The following EYS variants were observed in gnomAD, a reference collection of about 807,000 sequenced individuals.
The protein encoded by EYS is protein eyes shut homolog.
Under a neutral mutation model 282.1 loss-of-function variants are expected in EYS, and 250 were observed. The ratio of observed to expected loss-of-function variants is 0.89; its 90% CI spans 0.80 to 0.98. The LOEUF is 0.98. Among genes scored for constraint, EYS ranks in the 50% least tolerant of loss-of-function variants. The pLI is 0.00. For missense variants in EYS, 4,016 were observed against 3,709.0 expected, an observed-to-expected ratio of 1.08 and a Z score of -2.15; for synonymous variants, 1,355 against 1,282.9, an observed-to-expected ratio of 1.06 and a Z score of -1.20.
intron 28 of EYS, among the ~76,000 whole-genome samples, chr6:64,404,082 G>GA (rs1328076773): frequency 6.6e-6 from 1 of 151,992 alleles, no homozygotes; most frequent in Non-Finnish European, 1.5e-5. Context: ...AAATTGGGGA[G>GA]TAAATCCCTA....
intron 1 of EYS, among the ~76,000 whole-genome samples, chr6:65,704,085 A>G (rs1769781885): frequency 6.6e-6 from 1 of 151,728 alleles, no homozygotes; most frequent in Non-Finnish European, 1.5e-5. Context: ...GATATAAAAA[A>G]CTCCACTGGA....
At chr6:63,782,908 A>G (rs1770270210) in intron 39 of EYS, among the ~76,000 whole-genome samples, 2 of 147,960 alleles carry the variant, frequency 1.4e-5, no homozygotes, top group East Asian at 3.9e-4. Context: ...TTGACTGACT[A>G]GGTACCAAAT....
intron 35 of EYS, among the ~76,000 whole-genome samples, chr6:63,951,954 C>T (rs1033384130): frequency 3.3e-5 from 5 of 152,108 alleles, no homozygotes; most frequent in Non-Finnish European, 5.9e-5. Flanking sequence ...AATCTGCTCC[C>T]GACATTAAAT....
intron 1 of EYS, among the ~76,000 whole-genome samples, chr6:65,654,111 G>A (rs1767741560): frequency 6.6e-6 from 1 of 151,816 alleles, no homozygotes; most frequent in South Asian, 2.1e-4. Flanking sequence ...TTCAGAGTTA[G>A]TCATAAATTG....
In EYS at chr6:63,896,952, T is replaced by C. The variant is rs571736653; in HGVS notation, c.7056-32594A>G. Reference sequence around the variant, plus strand: ...TTTATTCACCTACTGAAGTATATTTTACTGCTTCCAAGTTTTGGAAATTAT... The same window carrying C: ...TTTATTCACCTACTGAAGTATATTTCACTGCTTCCAAGTTTTGGAAATTAT... On this transcript the variant is annotated intron_variant, in intron 35 of 42. Transcript: ENST00000503581. Among the ~76,000 whole-genome samples, 242 of 152,332 alleles carry C rather than the reference T, an allele frequency of 1.6e-3. 1 individual carries two copies. Among genetic ancestry groups the C allele is most frequent in the Non-Finnish European group, 3.1e-3 (210 of 68,014 alleles).
intron 29 of EYS, among the ~76,000 whole-genome samples, chr6:64,373,698 A>C (rs763455541): frequency 2.0e-5 from 3 of 152,166 alleles, no homozygotes; most frequent in Non-Finnish European, 2.9e-5. Flanking sequence ...CCTGGCTATC[A>C]GCAGGAGGGG....
chr6:64,598,948 C>T (rs1304015496), intron 24 of EYS, among the ~76,000 whole-genome samples: 2 of 152,050 alleles, frequency 1.3e-5, no homozygotes, highest in East Asian at 3.9e-4. Flanking sequence ...GAAAGAGTAT[C>T]AAAGGCGAAA....
intron 30 of EYS, among the ~76,000 whole-genome samples, chr6:64,243,972 A>G (rs1766922905): frequency 6.6e-6 from 1 of 152,174 alleles, no homozygotes; most frequent in Admixed American, 6.5e-5. Flanking sequence ...GTTCATCTGA[A>G]GAATAAATAT....
At chr6:65,208,314 G>T (rs2150250340) in intron 12 of EYS, among the ~76,000 whole-genome samples, 1 of 151,964 alleles carries the variant, frequency 6.6e-6, no homozygotes, top group East Asian at 1.9e-4. Context: ...TTTTGACAAG[G>T]ATGTGGAGAG....
At chr6:65,191,097 A>G (rs1274678105) in intron 12 of EYS, among the ~76,000 whole-genome samples, 1 of 151,840 alleles carries the variant, frequency 6.6e-6, no homozygotes, top group Non-Finnish European at 1.5e-5. Context: ...AAGCTTCTAC[A>G]ATCTTGTCTA....
At chr6:64,903,360 C>T (rs959952660) in intron 16 of EYS, among the ~76,000 whole-genome samples, 1 of 152,074 alleles carries the variant, frequency 6.6e-6, no homozygotes, top group South Asian at 2.1e-4. Flanking sequence ...TGCAATCAGG[C>T]TAATTTAGTT....
chr6:64,208,628 T>G (rs768123433), intron 31 of EYS, among the ~76,000 whole-genome samples: 1 of 152,158 alleles, frequency 6.6e-6, no homozygotes. Flanking sequence ...ATGTAAATAT[T>G]TTAGAAATCC....
chr6:65,549,384 T>C (rs533123943), intron 2 of EYS, among the ~76,000 whole-genome samples: 1 of 152,338 alleles, frequency 6.6e-6, no homozygotes. Context: ...TTTGTTATGC[T>C]CTATACCAGA....
chr6:64,433,861 A>T (rs1300927343), intron 28 of EYS, among the ~76,000 whole-genome samples: 1 of 151,966 alleles, frequency 6.6e-6, no homozygotes, highest in African/African-American at 2.4e-5. Context: ...GGGGCAGGAG[A>T]TCTGGGTTCT....
intron 33 of EYS, among the ~76,000 whole-genome samples, chr6:64,040,170 C>A (rs149256605): frequency 1.3e-5 from 2 of 152,158 alleles, no homozygotes; most frequent in East Asian, 1.9e-4. Context: ...ATTTCCATAC[C>A]GTGTAAATTG....
At chr6:65,451,102 T>C (rs1764379180) in intron 5 of EYS, among the ~76,000 whole-genome samples, 1 of 152,098 alleles carries the variant, frequency 6.6e-6, no homozygotes, top group Admixed American at 6.6e-5. Context: ...TCTTCACTTA[T>C]CTTTGCTATT....
At chr6:65,076,778 G>T (rs1478785841) in intron 12 of EYS, among the ~76,000 whole-genome samples, 1 of 151,460 alleles carries the variant, frequency 6.6e-6, no homozygotes, top group Admixed American at 6.6e-5. Flanking sequence ...CTACTATCAG[G>T]GATCTGGGAG....
intron 26 of EYS, among the ~76,000 whole-genome samples, chr6:64,463,113 T>A (rs4112815): frequency 0.32 from 47,971 of 151,448 alleles, 7,684 homozygotes; most frequent in East Asian, 0.5. Context: ...CGCCCGGCTA[T>A]TTATTTTTTG....
chr6:64,117,385 T>C (rs1773424380), intron 31 of EYS, among the ~76,000 whole-genome samples: 1 of 128,766 alleles, frequency 7.8e-6, no homozygotes, highest in Non-Finnish European at 1.7e-5. Context: ...ATGAAGGAAA[T>C]AGAAACTAGA....
Sources: gnomAD v4.1 joint callset for allele counts (sites outside exome capture counted in the v4.1 genomes callset) on GRCh38, gnomAD v4.1.1 for gene constraint, MANE v1.5 for transcripts, NCBI Gene and HGNC (gene_info 2026-07-23, HGNC 2026-07-21) for gene names.